ZNF609: variants seen among roughly 807,000 people sequenced by gnomAD.
ZNF609 encodes the protein zinc finger protein 609.
ZNF609 carries 11 observed loss-of-function variants against 109.5 expected under a neutral mutation model. The ratio of observed to expected loss-of-function variants is 0.10; its 90% CI spans 0.06 to 0.17. ZNF609 has a LOEUF of 0.17. ZNF609 is among the 10% of genes least tolerant of loss of function. The probability of loss-of-function intolerance (pLI) is 1.00; values close to 1 mark genes in which losing one functional copy is unlikely to be tolerated. For missense variants in ZNF609, 1,559 were observed against 1,772.4 expected (o/e 0.88, Z 2.16); for synonymous variants, 646 against 662.0 (o/e 0.98, Z 0.37).
chr15:64,482,032 C>G (rs1465535663), intron 1 of ZNF609, among the ~76,000 whole-genome samples: 1 of 152,208 alleles, frequency 6.6e-6, no homozygotes, highest in Non-Finnish European at 1.5e-5. Flanking sequence ...ATCCGCCTGC[C>G]TTGGCCTCCC....
At chr15:64,574,824 CTCTT>C (rs754821057) in intron 2 of ZNF609, among the ~76,000 whole-genome samples, 37 of 152,254 alleles carry the variant, frequency 2.4e-4, no homozygotes, top group East Asian at 9.7e-4. Context: ...TGTCAGAACT[CTCTT>C]TCTAAGGTCT....
chr15:64,603,530 A>G (rs573690083), intron 2 of ZNF609, among the ~76,000 whole-genome samples: 2 of 151,542 alleles, frequency 1.3e-5, no homozygotes, highest in East Asian at 2.0e-4. Flanking sequence ...CGGCCTCCCA[A>G]AGTACTGGGA....
chr15:64,664,262 C>G (rs1896617239), intron 3 of ZNF609, among the ~76,000 whole-genome samples: 1 of 151,946 alleles, frequency 6.6e-6, no homozygotes, highest in South Asian at 2.1e-4. Flanking sequence ...GGGAACCTGA[C>G]TAGTGCCTCA....
At chr15:64,613,525 A>G (rs1270106989) in intron 2 of ZNF609, among the ~76,000 whole-genome samples, 2 of 152,152 alleles carry the variant, frequency 1.3e-5, no homozygotes, top group Admixed American at 1.3e-4. Context: ...ATTTTTCAGA[A>G]TAAGCAAAAA....
Position 64,674,589 on chromosome 15 carries a change from C to T in ZNF609, c.1735C>T (p.Pro579Ser). ...VRLVEPHSPS[P>S]SSKFSTKGLC... is the part of the protein sequence containing the mutation. ...ACTTGTAGAGCCCCATAGCCCTTCT[C>T]CTTCAAGCAAATTCAGCACAAAAGG... The change falls in exon 5 of 10, where the codon CCT (proline) becomes TCT (serine). Residue 579 changes from proline (P) to serine (S), a missense_variant. Pro to Ser is a moderately conservative substitution (Grantham distance 74). Around this residue, in one of 4 missense-constraint regions of ZNF609, gnomAD observed 1,204 missense variants for 1,314.1 expected, o/e 0.92. Transcript: ENST00000326648. 3.1e-6 allele frequency: 5 copies of T among 1,614,054 alleles called. No homozygotes were observed. The highest frequency in any genetic ancestry group is 2.2e-5 in the East Asian group (1 of 44,878).
Position 64,599,861 on chromosome 15 carries a change from C to G in ZNF609, c.748-22966C>G, listed in dbSNP as rs1372258753. ...CCTTTGAAGAGGCTGTTCCTTCTGC[C>G]TGGAATATGCTTTCTTCTTTTCTTG... On this transcript the variant is annotated intron_variant, in intron 2 of 9. Coordinates refer to ENST00000326648, the MANE Select transcript of ZNF609 (RefSeq NM_015042.2). Among the ~76,000 whole-genome samples, 3 of 152,238 alleles carry G rather than the reference C, an allele frequency of 2.0e-5. No individual in the cohort carries two copies. In the East Asian group the frequency reaches 5.8e-4, roughly 29 times the overall value.
rs1176514871 is a variant in ZNF609, at chr15:64,674,835, C to T, written c.1981C>T (p.Pro661Ser). The T allele has an allele frequency of 6.2e-7, 1 of 1,613,570 alleles. No individual in the cohort carries two copies. The highest frequency in any genetic ancestry group is 1.1e-5 in the South Asian group (1 of 91,052). Residue 661 changes from proline (P) to serine (S), a missense_variant, in exon 5 of 10, where the codon CCT (proline) becomes TCT (serine). By Grantham distance (74) the Pro-to-Ser change is moderately conservative. Transcript: ENST00000326648. The part of the protein sequence containing the change: ...KSLKSARPIA[P>S]AIPPQQIYTF... ...CCTAAAGTCAGCCCGTCCCATTGCC[C>T]CTGCCATCCCCCCACAGCAAATCTA...
In ZNF609 at chr15:64,674,108, G is replaced by C; in HGVS notation, c.1254G>C (p.Glu418Asp). 2 of 1,614,208 alleles carry C rather than the reference G, an allele frequency of 1.2e-6. No individual in the cohort carries two copies. The highest frequency in any genetic ancestry group is 1.7e-6 in the Non-Finnish European group (2 of 1,180,034). ...KGRRGSQNSS[E>D]HRPPASSTSE... ...GTCGGGGCAGCCAGAATTCTTCAGA[G>C]CACCGCCCACCTGCCAGCAGCACTT... Residue 418 changes from glutamate (E) to aspartate (D), a missense_variant, in exon 5 of 10, where the codon GAG (glutamate) becomes GAC (aspartate). Glu to Asp is a conservative substitution (Grantham distance 45, BLOSUM62 2). Transcript: ENST00000326648.
chr15:64,568,311 C>T (rs1039819294), intron 2 of ZNF609, among the ~76,000 whole-genome samples: 1 of 152,174 alleles, frequency 6.6e-6, no homozygotes, highest in Non-Finnish European at 1.5e-5. Flanking sequence ...TCCAGTAACC[C>T]TACACCCCCG....
At chr15:64,463,413 A>AC (rs1453212570) in intron 1 of ZNF609, among the ~76,000 whole-genome samples, 1 of 152,034 alleles carries the variant, frequency 6.6e-6, no homozygotes, top group East Asian at 1.9e-4. Context: ...AAAAAAAAAA[A>AC]AAAATTTGGG....
At chr15:64,611,529 A>C (rs996543764) in intron 2 of ZNF609, among the ~76,000 whole-genome samples, 4 of 152,184 alleles carry the variant, frequency 2.6e-5, no homozygotes, top group African/African-American at 9.7e-5. Flanking sequence ...ACAGTCTTGA[A>C]TATCAGGATT....
At chr15:64,606,890 TC>T (rs35110541) in intron 2 of ZNF609, among the ~76,000 whole-genome samples, 1 of 152,100 alleles carries the variant, frequency 6.6e-6, no homozygotes, top group Non-Finnish European at 1.5e-5. Flanking sequence ...ATGCCTGTAA[TC>T]CCAGCACTTT....
intron 2 of ZNF609, among the ~76,000 whole-genome samples, chr15:64,622,609 C>G (rs759607689): frequency 2.6e-5 from 4 of 152,156 alleles, no homozygotes; most frequent in South Asian, 2.1e-4. Flanking sequence ...ATTATACGCT[C>G]ATTAATAAGA....
At chr15:64,672,138 G>A (rs1269905539) in intron 4 of ZNF609, among the ~76,000 whole-genome samples, 27 of 147,190 alleles carry the variant, frequency 1.8e-4, no homozygotes, top group African/African-American at 6.1e-4. Context: ...TCAGCCTCCC[G>A]AGTAGCTGGG....
At chr15:64,528,212 C>G (rs2140369514) in intron 2 of ZNF609, among the ~76,000 whole-genome samples, 1 of 151,806 alleles carries the variant, frequency 6.6e-6, no homozygotes, top group South Asian at 2.1e-4. Context: ...ATTCTGCTGC[C>G]TCAGCCTCCT....
At chr15:64,584,306 T>A (rs1895159528) in intron 2 of ZNF609, among the ~76,000 whole-genome samples, 1 of 151,998 alleles carries the variant, frequency 6.6e-6, no homozygotes, top group Admixed American at 6.6e-5. Flanking sequence ...TTAATTTATT[T>A]ATTTATCTAC....
At chr15:64,493,812 C>T (rs925571521) in intron 1 of ZNF609, among the ~76,000 whole-genome samples, 9 of 152,208 alleles carry the variant, frequency 5.9e-5, no homozygotes, top group South Asian at 2.1e-4. Context: ...CAGTGCTTTT[C>T]GTTTCCCACT....
At chr15:64,631,220 G>T in intron 3 of ZNF609, 1 of 633,070 alleles carries the variant, frequency 1.6e-6, no homozygotes, top group Non-Finnish European at 3.0e-6. Flanking sequence ...GAACCCAGAT[G>T]CCTTTCTCTT....
intron 3 of ZNF609, among the ~76,000 whole-genome samples, chr15:64,658,557 G>C (rs1300185732): frequency 1.3e-5 from 2 of 150,596 alleles, no homozygotes; most frequent in Non-Finnish European, 2.9e-5. Context: ...CCAGCACTTT[G>C]AAAGATATAC....
Sources: gnomAD v4.1 joint callset for allele counts (sites outside exome capture counted in the v4.1 genomes callset) on GRCh38, gnomAD v4.1.1 for gene constraint, gnomAD v4.1.1 regional missense constraint, MANE v1.5 for transcripts, NCBI Gene and HGNC (gene_info 2026-07-23, HGNC 2026-07-21) for gene names.